TJP2: variants seen among roughly 807,000 people sequenced by gnomAD.
TJP2 encodes Friedreich ataxia region gene X104 (tight junction protein ZO-2).
In TJP2, 91 loss-of-function variants were observed where a neutral mutation model predicts 133.1. The observed-to-expected ratio is 0.68, with a 90% confidence interval of 0.58 to 0.81. The LOEUF (loss-of-function observed/expected upper bound fraction) is 0.81. TJP2 is among the 40% of genes least tolerant of loss of function. The pLI, the probability that TJP2 is intolerant of heterozygous loss-of-function variation, is 0.00. For missense variants in TJP2, 1,541 were observed against 1,565.6 expected (o/e 0.98, Z 0.26); for synonymous variants, 592 against 583.4 (o/e 1.01, Z -0.21).
intron 1 of TJP2, among the ~76,000 whole-genome samples, chr9:69,135,130 G>A (rs1470384968): frequency 1.3e-5 from 2 of 152,086 alleles, no homozygotes; most frequent in African/African-American, 4.8e-5. Flanking sequence ...GGAGGTTAGG[G>A]CTTCAACATA....
At chr9:69,164,547 C>A (rs991575881) in intron 2 of TJP2, among the ~76,000 whole-genome samples, 2 of 152,148 alleles carry the variant, frequency 1.3e-5, no homozygotes, top group Non-Finnish European at 2.9e-5. Flanking sequence ...AGGATTCTCT[C>A]GTTGGAGTCA....
At chr9:69,162,119 A>G (rs1260412330) in intron 2 of TJP2, among the ~76,000 whole-genome samples, 1 of 148,100 alleles carries the variant, frequency 6.8e-6, no homozygotes, top group Non-Finnish European at 1.5e-5. Flanking sequence ...TAATAAATAT[A>G]ATTTTTATAT....
At chr9:69,174,541 G>A (rs1432617364) in intron 1 of TJP2, 109 bp downstream of exon 1, 5 of 1,283,438 alleles carry the variant, frequency 3.9e-6, no homozygotes, top group Non-Finnish European at 4.4e-6. Context: ...CCGATGCGCC[G>A]TAGGAAGCTG....
chr9:69,238,986 G>A (rs1378018433), intron 16 of TJP2, among the ~76,000 whole-genome samples, 197 bp downstream of exon 16: 1 of 151,916 alleles, frequency 6.6e-6, no homozygotes, highest in African/African-American at 2.4e-5. Flanking sequence ...TCAGGAGTTC[G>A]AGACCAGCCT....
chr9:69,219,742 T>G (rs1828668175), intron 4 of TJP2, among the ~76,000 whole-genome samples: 1 of 152,186 alleles, frequency 6.6e-6, no homozygotes, highest in Non-Finnish European at 1.5e-5. Context: ...GTCTTTGATA[T>G]ATGTTTTCTT....
rs1831330334 is a variant in TJP2, at chr9:69,251,508, G to T, written c.3321+144G>T. The T allele has an allele frequency of 4.8e-6, 4 of 837,216 alleles. No individual in the cohort carries two copies. The South Asian group carries it at 6.4e-5, about 13-fold the overall frequency. 51.9% of individuals were successfully genotyped at this position (837,216 alleles called of 1,614,324 possible). A position where few individuals can be genotyped will look rare whatever the true frequency, so the allele number is the denominator to read the frequency against. Reference sequence around the variant, plus strand: ...GGCAGGTGCTGTGTATGTCACTTCAGATTGCCAGCTCCCAGCACGTCCCTT... The same window carrying T: ...GGCAGGTGCTGTGTATGTCACTTCATATTGCCAGCTCCCAGCACGTCCCTT... On this transcript the variant is annotated intron_variant, in intron 21 of 22. Transcript: ENST00000377245.
At chr9:69,169,777 C>G (rs117700636), upstream of TJP2, among the ~76,000 whole-genome samples, 6,009 of 152,180 alleles carry the variant, frequency 0.039, 154 homozygotes, top group South Asian at 0.089. Context: ...TTCTTAAGAT[C>G]TCCACATTCT....
intron 1 of TJP2, among the ~76,000 whole-genome samples, chr9:69,182,511 T>C (rs978722217): frequency 9.2e-5 from 14 of 152,278 alleles, no homozygotes; most frequent in African/African-American, 7.2e-5. Flanking sequence ...AGTCTACTTA[T>C]ACTATTTAAG....
chr9:69,186,589 C>G (rs572980437), intron 1 of TJP2, among the ~76,000 whole-genome samples: 1 of 152,284 alleles, frequency 6.6e-6, no homozygotes, highest in Non-Finnish European at 1.5e-5. Flanking sequence ...ACACAATGCA[C>G]AAAGGGCTTC....
At chr9:69,123,104 A>T (rs1372590603) in intron 1 of TJP2, among the ~76,000 whole-genome samples, 1 of 152,166 alleles carries the variant, frequency 6.6e-6, no homozygotes, top group Admixed American at 6.6e-5. Flanking sequence ...TCTGAGAAGT[A>T]CTGGCCTAGG....
intron 2 of TJP2, among the ~76,000 whole-genome samples, chr9:69,162,694 T>A (rs1429862040): frequency 6.6e-6 from 1 of 152,184 alleles, no homozygotes; most frequent in Non-Finnish European, 1.5e-5. Flanking sequence ...AAAGAGCAAA[T>A]TTGGTGTATC....
chr9:69,227,991 G>A lies in TJP2; in HGVS notation c.1330G>A (p.Asp444Asn). 1 of 1,614,150 alleles carries A rather than the reference G, an allele frequency of 6.2e-7. No homozygotes were observed. Among genetic ancestry groups the A allele is most frequent in the Non-Finnish European group, 8.5e-7 (1 of 1,180,026 alleles). ...KLKERPSSREDTPSRLSRMGA... is the reference protein window; with the variant it reads ...KLKERPSSRENTPSRLSRMGA... ...TGACATGTGATTCAGTTCCAGAGAG[G>A]ACACGCCGAGCAGATTGTCCAGGAT... Residue 444 changes from aspartate (D) to asparagine (N), a missense_variant, in exon 9 of 23, where the codon GAC becomes AAC. Coordinates refer to ENST00000377245, the MANE Select transcript of TJP2 (RefSeq NM_004817.4).
chr9:69,183,763 C>G (rs1001480718), intron 1 of TJP2, among the ~76,000 whole-genome samples: 5 of 152,152 alleles, frequency 3.3e-5, no homozygotes, highest in African/African-American at 1.2e-4. Context: ...TTGAGACAGT[C>G]TCACTCTGTC....
At chr9:69,246,829 C>A (rs1338162834) in intron 18 of TJP2, 39 bp downstream of exon 18, 1 of 1,573,314 alleles carries the variant, frequency 6.4e-7, no homozygotes, top group Non-Finnish European at 8.7e-7. Context: ...GTGAGAGTCC[C>A]TGTTCTGAAA....
upstream of TJP2, chr9:69,173,952 G>A (rs1051571768): frequency 5.1e-6 from 5 of 985,168 alleles, no homozygotes; most frequent in East Asian, 4.5e-4. Context: ...CCATCGGGCT[G>A]GCGGGGGTGG....
chr9:69,213,485 C>A (rs938147705), intron 2 of TJP2, among the ~76,000 whole-genome samples: 1 of 152,196 alleles, frequency 6.6e-6, no homozygotes, highest in Non-Finnish European at 1.5e-5. Context: ...CCTAGAGGGA[C>A]CATAAGTTCC....
intron 1 of TJP2, among the ~76,000 whole-genome samples, chr9:69,137,861 A>G (rs886295677): frequency 6.6e-6 from 1 of 152,068 alleles, no homozygotes; most frequent in Non-Finnish European, 1.5e-5. Flanking sequence ...CTTTCTCGTG[A>G]CAATGTGCAG....
At position 69,221,294 on chromosome 9, in the gene TJP2, G is replaced by A. The variant is rs779683144; in HGVS notation, c.750G>A (p.Glu250=). 4.4e-6 allele frequency: 7 copies of A among 1,607,158 alleles called. No individual in the cohort carries two copies. The East Asian group carries it at 1.3e-4, about 31-fold the overall frequency. The change falls in exon 5 of 23, where the codon GAG becomes GAA. Residue 250 remains glutamate (E), a synonymous_variant. Coordinates refer to ENST00000377245, the MANE Select transcript of TJP2 (RefSeq NM_004817.4). ...SRGRSIDQDY[E]RAYHRAYDPD... is the part of the protein sequence containing the mutation. ...GCCGGAGCATTGACCAGGACTACGA[G>A]CGAGCCTATCACCGGGCCTACGACC...
At chr9:69,166,961 A>G (rs1025870438) in intron 2 of TJP2, among the ~76,000 whole-genome samples, 5 of 151,856 alleles carry the variant, frequency 3.3e-5, no homozygotes, top group Admixed American at 1.3e-4. Flanking sequence ...GGCTGGGTGC[A>G]GTGGCTCACG....
Sources: allele counts gnomAD v4.1 joint callset (sites outside exome capture counted in the v4.1 genomes callset), GRCh38; gene constraint gnomAD v4.1.1; transcripts MANE v1.5; gene names NCBI Gene and HGNC (gene_info 2026-07-23, HGNC 2026-07-21).